MYO16: variants seen among roughly 807,000 people sequenced by gnomAD.
MYO16 encodes myosin XVI.
In MYO16, 94 loss-of-function variants were observed where a neutral mutation model predicts 205.3. That is an observed-to-expected ratio of 0.46 (90% confidence interval 0.39 to 0.54). The LOEUF is 0.54. Among genes scored for constraint, MYO16 ranks in the 20% least tolerant of loss-of-function variants. The probability of loss-of-function intolerance (pLI) is 0.00; values close to 1 mark genes in which losing one functional copy is unlikely to be tolerated. For synonymous variants in MYO16, 988 were observed against 954.0 expected (o/e 1.04, Z -0.66); for missense variants, 2,315 against 2,387.5 (o/e 0.97, Z 0.63).
intron 27 of MYO16, among the ~76,000 whole-genome samples, chr13:109,058,135 A>G (rs1469281202): frequency 1.3e-5 from 2 of 152,160 alleles, no homozygotes; most frequent in Non-Finnish European, 2.9e-5. Context: ...AGCTGATGTT[A>G]ACATTGTTGC....
At chr13:108,590,588 G>A in the MYO16 span, among the ~76,000 whole-genome samples, 33,499 of 152,104 alleles carry the variant, frequency 0.22, 4,276 homozygotes, top group East Asian at 0.35. Context: ...TCATACTGGA[G>A]TAGGGTGGGC....
At chr13:109,020,497 C>T (rs1347512344) in intron 23 of MYO16, among the ~76,000 whole-genome samples, 1 of 152,168 alleles carries the variant, frequency 6.6e-6, no homozygotes, top group Non-Finnish European at 1.5e-5. Flanking sequence ...CCTGCCAGAA[C>T]TCCCCTGTGC....
chr13:109,121,991 T>G (rs971442431), intron 29 of MYO16, among the ~76,000 whole-genome samples: 11 of 152,206 alleles, frequency 7.2e-5, no homozygotes, highest in Non-Finnish European at 1.6e-4. Flanking sequence ...CAGGGCTGTT[T>G]TGGATCATCC....
chr13:109,098,332 AGTGTAAAATTCT>A (rs1340319642), intron 27 of MYO16, among the ~76,000 whole-genome samples: 7 of 152,208 alleles, frequency 4.6e-5, no homozygotes, highest in African/African-American at 1.7e-4. Context: ...TTATCCCTGT[AGTGTAAAATTCT>A]GTGCTTTGAG....
At chr13:109,177,727 G>C (rs1879271944) in intron 33 of MYO16, among the ~76,000 whole-genome samples, 1 of 152,048 alleles carries the variant, frequency 6.6e-6, no homozygotes, top group Non-Finnish European at 1.5e-5. Context: ...GTGTTGGCTG[G>C]GCTGGTCTCG....
rs1409970715 is a variant in MYO16, at chr13:109,206,883, C to T, written c.*47C>T. 27 of 1,538,512 alleles carry T rather than the reference C, an allele frequency of 1.8e-5. No homozygotes were observed. In the Admixed American group the frequency reaches 2.5e-4, roughly 14 times the overall value. The stretch of plus-strand genomic sequence containing the variant: ...ACAAAATAGAACTGCCTACTGATTC[C>T]GGGCTGCAACAACAGAAGGCTGCCT... On this transcript the variant is annotated 3_prime_UTR_variant, in exon 35 of 35. Transcript: ENST00000457511.
chr13:109,147,077 G>A (rs1344802907), intron 32 of MYO16, among the ~76,000 whole-genome samples: 2 of 151,374 alleles, frequency 1.3e-5, no homozygotes, highest in East Asian at 1.9e-4. Flanking sequence ...CATTTTTCAC[G>A]ACACAAACAA....
At chr13:108,605,852 C>G (rs1271649258) in intron 1 of MYO16, among the ~76,000 whole-genome samples, 1 of 152,128 alleles carries the variant, frequency 6.6e-6, no homozygotes, top group East Asian at 1.9e-4. Context: ...AAGGTTGAAA[C>G]AGTTGTGAGG....
chr13:108,694,982 C>T (rs1403108437), intron 2 of MYO16, among the ~76,000 whole-genome samples: 1 of 152,094 alleles, frequency 6.6e-6, no homozygotes, highest in Non-Finnish European at 1.5e-5. Context: ...TGTGGTGGCA[C>T]ATTTCTGTAG....
chr13:109,070,899 A>G (rs1887903433), intron 27 of MYO16, among the ~76,000 whole-genome samples: 1 of 152,146 alleles, frequency 6.6e-6, no homozygotes, highest in Non-Finnish European at 1.5e-5. Flanking sequence ...TTTAGGTGAG[A>G]AGCTATTTTT....
chr13:108,651,940 G>A (rs77145932), intron 1 of MYO16, among the ~76,000 whole-genome samples: 6,841 of 152,244 alleles, frequency 0.045, 184 homozygotes, highest in South Asian at 0.13. Flanking sequence ...AGACTTCAGT[G>A]CTTAAGGAGG....
intron 23 of MYO16, among the ~76,000 whole-genome samples, chr13:109,041,651 G>C (rs1173307659): frequency 6.6e-6 from 1 of 152,084 alleles, no homozygotes; most frequent in Non-Finnish European, 1.5e-5. Context: ...TCAATATCCT[G>C]GTTGTGATAG....
At chr13:108,770,369 AAAG>A (rs1169430811) in intron 4 of MYO16, among the ~76,000 whole-genome samples, 2 of 152,246 alleles carry the variant, frequency 1.3e-5, no homozygotes, top group East Asian at 3.8e-4. Context: ...AAGCTTTAAA[AAAG>A]CAATATTTTA....
At chr13:109,183,764 A>G (rs750516659) in intron 34 of MYO16, among the ~76,000 whole-genome samples, 1 of 152,218 alleles carries the variant, frequency 6.6e-6, no homozygotes, top group Non-Finnish European at 1.5e-5. Flanking sequence ...ATTCATCGTA[A>G]GAAACCATTC....
chr13:108,707,551 G>A (rs894216743), intron 2 of MYO16, among the ~76,000 whole-genome samples: 8 of 152,192 alleles, frequency 5.3e-5, no homozygotes, highest in African/African-American at 2.4e-5. Context: ...TGATTATTCC[G>A]GATCCATGTA....
intron 31 of MYO16, among the ~76,000 whole-genome samples, chr13:109,128,768 GTTTTT>G (rs1172405612): frequency 8.7e-6 from 1 of 115,016 alleles, no homozygotes; most frequent in East Asian, 2.5e-4. Context: ...CACTTTTTTA[GTTTTT>G]TTTTTTTTTT....
intron 22 of MYO16, among the ~76,000 whole-genome samples, chr13:109,011,627 G>A (rs970567704): frequency 2.6e-5 from 4 of 151,676 alleles, no homozygotes; most frequent in Non-Finnish European, 2.9e-5. Flanking sequence ...CGATTCTCCT[G>A]CCTCAGCCAC....
intron 27 of MYO16, among the ~76,000 whole-genome samples, chr13:109,074,800 G>A (rs747153645): frequency 6.6e-6 from 1 of 152,142 alleles, no homozygotes; most frequent in Admixed American, 6.6e-5. Flanking sequence ...ACCATCAGGA[G>A]AACAGCACGG....
intron 4 of MYO16, among the ~76,000 whole-genome samples, chr13:108,738,990 G>T (rs896808530): frequency 6.6e-6 from 1 of 152,036 alleles, no homozygotes; most frequent in African/African-American, 2.4e-5. Context: ...CATTTTCTTG[G>T]TAGATCTTCC....
Sources: gnomAD v4.1 joint callset for allele counts (sites outside exome capture counted in the v4.1 genomes callset) on GRCh38, gnomAD v4.1.1 for gene constraint, MANE v1.5 for transcripts, NCBI Gene and HGNC (gene_info 2026-07-23, HGNC 2026-07-21) for gene names.